CCDC178: variants seen among roughly 807,000 people sequenced by gnomAD.
CCDC178 encodes the protein coiled-coil domain-containing protein 178.
In CCDC178, 126 loss-of-function variants were observed where a neutral mutation model predicts 117.4. The ratio of observed to expected loss-of-function variants is 1.07; its 90% confidence interval spans 0.93 to 1.24. CCDC178 has a LOEUF of 1.24. CCDC178 is among the 50% of genes most tolerant of loss of function. The pLI is 0.00. For missense variants in CCDC178, 1,030 were observed against 986.9 expected (o/e 1.04, Z -0.59); for synonymous variants, 283 against 313.4 (o/e 0.90, Z 1.02).
intron 21 of CCDC178, among the ~76,000 whole-genome samples, chr18:32,993,207 A>C (rs2055430807): frequency 6.6e-6 from 1 of 152,154 alleles, no homozygotes. Flanking sequence ...TGAGGTAGGA[A>C]GCAGTACTTG....
chr18:33,305,182 T>C (rs796727705), intron 11 of CCDC178, among the ~76,000 whole-genome samples: 14 of 152,320 alleles, frequency 9.2e-5, no homozygotes, highest in African/African-American at 3.4e-4. Context: ...CTTTTTTACA[T>C]GCTCATAGAC....
intron 3 of CCDC178, among the ~76,000 whole-genome samples, chr18:33,405,741 G>A (rs2063771443): frequency 6.6e-6 from 1 of 151,982 alleles, no homozygotes; most frequent in Admixed American, 6.6e-5. Flanking sequence ...GAGAAATTTG[G>A]CATAGTACAG....
At chr18:33,057,011 T>C (rs1211112080) in intron 21 of CCDC178, among the ~76,000 whole-genome samples, 1 of 150,802 alleles carries the variant, frequency 6.6e-6, no homozygotes, top group African/African-American at 2.4e-5. Flanking sequence ...ATATTAACAG[T>C]ATAGACAGAA....
chr18:33,089,878 T>C (rs2057436644), intron 21 of CCDC178, among the ~76,000 whole-genome samples: 1 of 151,024 alleles, frequency 6.6e-6, no homozygotes, highest in Non-Finnish European at 1.5e-5. Flanking sequence ...AATCTGTTTT[T>C]CAGAGATTTT....
At chr18:32,964,504 T>C (rs75487260) in intron 22 of CCDC178, among the ~76,000 whole-genome samples, 2,721 of 152,088 alleles carry the variant, frequency 0.018, 41 homozygotes, top group South Asian at 0.069. Context: ...TAATTAATTT[T>C]GGCAAAATGT....
At chr18:33,211,130 A>C (rs1345892796) in intron 20 of CCDC178, among the ~76,000 whole-genome samples, 1 of 151,856 alleles carries the variant, frequency 6.6e-6, no homozygotes, top group African/African-American at 2.4e-5. Flanking sequence ...AATAGCTCAT[A>C]TATTATGATA....
At chr18:33,408,161 T>A (rs1444472551) in intron 3 of CCDC178, among the ~76,000 whole-genome samples, 1 of 151,880 alleles carries the variant, frequency 6.6e-6, no homozygotes, top group African/African-American at 2.4e-5. Context: ...CAGAAAAATG[T>A]TAGTAGATGT....
At chr18:33,230,398 G>T (rs1299157428) in intron 15 of CCDC178, among the ~76,000 whole-genome samples, 3 of 152,128 alleles carry the variant, frequency 2.0e-5, no homozygotes, top group Non-Finnish European at 4.4e-5. Flanking sequence ...CACCAGGACT[G>T]CCTGCTACTA....
chr18:33,167,594 T>A (rs972027557), intron 20 of CCDC178, among the ~76,000 whole-genome samples: 5 of 152,090 alleles, frequency 3.3e-5, no homozygotes, highest in African/African-American at 1.2e-4. Context: ...CTGGATGCAG[T>A]GGCTCACACC....
chr18:33,104,706 T>C (rs1287430402), intron 20 of CCDC178, among the ~76,000 whole-genome samples: 1 of 151,766 alleles, frequency 6.6e-6, no homozygotes, highest in African/African-American at 2.4e-5. Context: ...GGTAGTACGA[T>C]GGAAGGAAGG....
intron 20 of CCDC178, among the ~76,000 whole-genome samples, chr18:33,157,534 ACAT>A (rs896876938): frequency 6.6e-5 from 10 of 152,184 alleles, no homozygotes; most frequent in African/African-American, 2.4e-4. Flanking sequence ...ATATTATAAA[ACAT>A]CAGCACAATT....
intron 21 of CCDC178, 23 bp downstream of exon 21, chr18:33,092,738 A>T: frequency 6.6e-7 from 1 of 1,511,474 alleles, no homozygotes; most frequent in African/African-American, 1.4e-5. Context: ...TCATCACCTT[A>T]AAACAATTAG....
chr18:33,106,367 A>G (rs938643250), intron 20 of CCDC178, among the ~76,000 whole-genome samples: 43 of 151,800 alleles, frequency 2.8e-4, no homozygotes, highest in Non-Finnish European at 5.9e-5. Flanking sequence ...CATCCACTCC[A>G]GAAATATTCA....
At chr18:33,339,441 G>A (rs2062784746) in intron 9 of CCDC178, among the ~76,000 whole-genome samples, 2 of 151,070 alleles carry the variant, frequency 1.3e-5, no homozygotes, top group South Asian at 4.2e-4. Flanking sequence ...TTAATTATAA[G>A]AGAATTTCAT....
intron 12 of CCDC178, among the ~76,000 whole-genome samples, chr18:33,278,406 C>T (rs1476589938): frequency 6.6e-6 from 1 of 151,172 alleles, no homozygotes; most frequent in Non-Finnish European, 1.5e-5. Flanking sequence ...TGAGGAGTAA[C>T]ACCCTTAAAT....
intron 21 of CCDC178, among the ~76,000 whole-genome samples, chr18:33,045,224 C>T (rs1268674348): frequency 6.6e-6 from 1 of 152,000 alleles, no homozygotes; most frequent in East Asian, 1.9e-4. Flanking sequence ...CATAGAGTCC[C>T]TATGAAGATT....
rs574137969 is a variant in CCDC178, at chr18:33,086,425, TACAC to T, written c.2388+6332_2388+6335del. 4.3e-4 allele frequency among the ~76,000 whole-genome samples: 64 copies of T among 147,932 alleles called. 1 individual carries two copies. The highest frequency in any genetic ancestry group is 1.2e-3 in the East Asian group (6 of 5,082). ...GTATATATACATATATAAATATATATACACACACACACACACACACATATATATA... is the reference window on the plus strand; with the variant it reads ...GTATATATACATATATAAATATATATACACACACACACACACATATATATA... On this transcript the variant is annotated intron_variant, in intron 21 of 22. Transcript: ENST00000383096.
intron 12 of CCDC178, among the ~76,000 whole-genome samples, chr18:33,290,731 C>T (rs2060156198): frequency 6.6e-6 from 1 of 151,902 alleles, no homozygotes; most frequent in African/African-American, 2.4e-5. Flanking sequence ...GTGACGTAGC[C>T]ATGGAGTGTT....
chr18:32,940,678 C>T (rs1252055898), intron 22 of CCDC178, among the ~76,000 whole-genome samples: 1 of 151,918 alleles, frequency 6.6e-6, no homozygotes, highest in Non-Finnish European at 1.5e-5. Context: ...CTTCTCCCAC[C>T]CTTCACCCTC....
Sources: gnomAD v4.1 joint callset for allele counts (sites outside exome capture counted in the v4.1 genomes callset) on GRCh38, gnomAD v4.1.1 for gene constraint, MANE v1.5 for transcripts, NCBI Gene and HGNC (gene_info 2026-07-23, HGNC 2026-07-21) for gene names.